HDAC9: variants seen among roughly 807,000 people sequenced by gnomAD.
HDAC9 encodes the protein histone deacetylase 9.
In HDAC9, 41 loss-of-function variants were observed where a neutral mutation model predicts 139.4. The observed-to-expected ratio is 0.29, with a 90% CI of 0.23 to 0.38. The LOEUF (loss-of-function observed/expected upper bound fraction) is 0.38, where lower values mean the gene tolerates loss of function less well. Ranked by LOEUF, HDAC9 falls within the 10% of genes least tolerant of loss-of-function variation. HDAC9 has a pLI of 1.00. For synonymous variants in HDAC9, 517 were observed against 476.2 expected, an observed-to-expected ratio of 1.09 and a Z score of -1.12; for missense variants, 1,147 against 1,297.0, an observed-to-expected ratio of 0.88 and a Z score of 1.78.
intron 12 of HDAC9, among the ~76,000 whole-genome samples, chr7:18,683,222 T>A (rs1782015145): frequency 6.6e-6 from 1 of 152,064 alleles, no homozygotes; most frequent in African/African-American, 2.4e-5. Flanking sequence ...ACTTACAAAT[T>A]AATTTGGCTT....
chr7:18,678,871 A>G (rs560483822), intron 12 of HDAC9, among the ~76,000 whole-genome samples: 1 of 152,042 alleles, frequency 6.6e-6, no homozygotes, highest in South Asian at 2.1e-4. Context: ...TTCACTTGAA[A>G]CATTCAAGGC....
At chr7:18,562,153 GTTCT>G (rs1403795264) in intron 2 of HDAC9, among the ~76,000 whole-genome samples, 1 of 152,022 alleles carries the variant, frequency 6.6e-6, no homozygotes, top group African/African-American at 2.4e-5. Flanking sequence ...GTCTTTTCAA[GTTCT>G]TTGTCTGTTT....
chr7:18,899,434 C>A (rs780036923), intron 22 of HDAC9: 1 of 151,806 alleles, frequency 6.6e-6, no homozygotes, highest in African/African-American at 2.4e-5. Context: ...ACAACCTAGG[C>A]TAGATCATGT....
At chr7:18,531,938 G>T (rs901570791) in intron 2 of HDAC9, among the ~76,000 whole-genome samples, 1 of 152,142 alleles carries the variant, frequency 6.6e-6, no homozygotes, top group African/African-American at 2.4e-5. Flanking sequence ...TTGGTCCAAA[G>T]CTTTCATTTT....
intron 22 of HDAC9, among the ~76,000 whole-genome samples, chr7:18,924,816 C>G (rs1422297412): frequency 6.6e-6 from 1 of 152,042 alleles, no homozygotes; most frequent in Non-Finnish European, 1.5e-5. Context: ...TAAAAAGCAA[C>G]TAGGCATTCA....
At chr7:18,095,818 T>C (rs1012480182) in intron 1 of HDAC9, among the ~76,000 whole-genome samples, 4 of 152,218 alleles carry the variant, frequency 2.6e-5, no homozygotes, top group Non-Finnish European at 5.9e-5. Flanking sequence ...TGCTGTATTG[T>C]TGAAATTACA....
chr7:18,492,640 T>C (rs147898518), upstream of HDAC9, among the ~76,000 whole-genome samples: 479 of 152,080 alleles, frequency 3.1e-3, 4 homozygotes, highest in African/African-American at 0.011. Context: ...AAACTACCCA[T>C]CTACCTAGCC....
intron 2 of HDAC9, among the ~76,000 whole-genome samples, chr7:18,246,935 T>G (rs898889521): frequency 2.0e-5 from 3 of 151,920 alleles, no homozygotes; most frequent in African/African-American, 7.3e-5. Context: ...ACCAAGAGAA[T>G]TTGCTGTAGG....
intron 1 of HDAC9, among the ~76,000 whole-genome samples, chr7:18,400,863 G>C (rs1185238913): frequency 6.6e-6 from 1 of 152,162 alleles, no homozygotes; most frequent in East Asian, 1.9e-4. Flanking sequence ...TCTGCATTTT[G>C]TGAAACTTAC....
At chr7:18,224,516 A>G (rs1159521514) in intron 2 of HDAC9, among the ~76,000 whole-genome samples, 3 of 152,132 alleles carry the variant, frequency 2.0e-5, no homozygotes, top group Non-Finnish European at 4.4e-5. Context: ...ACCTCCGCAA[A>G]CAGGTTTGTT....
chr7:18,453,681 T>G (rs1235293101), intron 1 of HDAC9, among the ~76,000 whole-genome samples: 1 of 152,198 alleles, frequency 6.6e-6, no homozygotes, highest in African/African-American at 2.4e-5. Context: ...ACTTATTTTG[T>G]TTTGTTTTTC....
chr7:18,899,170 T>A (rs1801474426), intron 22 of HDAC9: 1 of 152,052 alleles, frequency 6.6e-6, no homozygotes, highest in African/African-American at 2.4e-5. Flanking sequence ...AACTTTTGGA[T>A]GACAGCTAGA....
intron 8 of HDAC9, among the ~76,000 whole-genome samples, chr7:18,642,720 AAGCCAGTGTGAGG>A (rs1447078063): frequency 6.6e-6 from 1 of 152,092 alleles, no homozygotes; most frequent in Non-Finnish European, 1.5e-5. Flanking sequence ...ACTGTAGTCA[AAGCCAGTGTGAGG>A]AGCCAGTGTG....
At chr7:18,338,784 T>C (rs1446844578) in intron 1 of HDAC9, among the ~76,000 whole-genome samples, 1 of 151,514 alleles carries the variant, frequency 6.6e-6, no homozygotes, top group Non-Finnish European at 1.5e-5. Flanking sequence ...TATAATAAAT[T>C]GAGAAAGAGT....
intron 1 of HDAC9, among the ~76,000 whole-genome samples, chr7:18,391,513 T>C (rs952468483): frequency 1.3e-5 from 2 of 152,226 alleles, no homozygotes; most frequent in African/African-American, 4.8e-5. Context: ...AAGTGACCTG[T>C]TTACCTGCAT....
chr7:18,744,827 C>G (rs1460888920), intron 13 of HDAC9, among the ~76,000 whole-genome samples: 1 of 151,912 alleles, frequency 6.6e-6, no homozygotes, highest in East Asian at 1.9e-4. Flanking sequence ...AAAAATTTAT[C>G]AAGAAATTTT....
intron 14 of HDAC9, among the ~76,000 whole-genome samples, chr7:18,752,286 C>A (rs760472335): frequency 4.6e-5 from 7 of 152,030 alleles, no homozygotes; most frequent in Non-Finnish European, 1.0e-4. Context: ...AAGGGTCCTA[C>A]CCAAAAGCCT....
At chr7:18,935,747 G>T in intron 22 of HDAC9, 62 bp from the exon 23 acceptor site, 1 of 1,469,070 alleles carries the variant, frequency 6.8e-7, no homozygotes, top group South Asian at 1.2e-5. Context: ...CTCAATGTTA[G>T]ATTCTAGTGA....
intron 12 of HDAC9, among the ~76,000 whole-genome samples, chr7:18,692,765 CA>C (rs1373192131): frequency 1.3e-5 from 2 of 152,016 alleles, no homozygotes; most frequent in Non-Finnish European, 2.9e-5. Flanking sequence ...TTTCGCCAGC[CA>C]TTTATAAAAG....
Sources: allele counts gnomAD v4.1 joint callset (sites outside exome capture counted in the v4.1 genomes callset), GRCh38; gene constraint gnomAD v4.1.1; transcripts MANE v1.5; gene names NCBI Gene and HGNC (gene_info 2026-07-23, HGNC 2026-07-21).